GABRB1: variants seen among roughly 807,000 people sequenced by gnomAD.
GABRB1 encodes gamma-aminobutyric acid type A receptor subunit beta1.
A neutral mutation model predicts 51.6 loss-of-function variants in GABRB1; 17 were observed. The observed-to-expected ratio is 0.33, with a 90% CI of 0.23 to 0.49. The LOEUF is 0.49. Among genes scored for constraint, GABRB1 ranks in the 20% least tolerant of loss-of-function variants. The probability of loss-of-function intolerance (pLI) is 0.99; values close to 1 mark genes in which losing one functional copy is unlikely to be tolerated. For synonymous variants in GABRB1, 247 were observed against 218.9 expected (o/e 1.13, Z -1.14); for missense variants, 410 against 600.6 (o/e 0.68, Z 3.32).
chr4:47,222,580 AC>A lies in GABRB1; in HGVS notation c.461+61112del, dbSNP rs1343923632. 3.9e-5 allele frequency among the ~76,000 whole-genome samples: 6 copies of A among 152,258 alleles called. No homozygotes were observed. The East Asian group carries it at 1.2e-3, about 29-fold the overall frequency. On this transcript the variant is annotated intron_variant, in intron 4 of 8. Coordinates refer to ENST00000295454, the MANE Select transcript of GABRB1 (RefSeq NM_000812.4). ...ACAGTCCAGCAGACAGCTAGCATTCACAAGACATGTGAGTGAAGCCATCTTA... is the reference window on the plus strand; with the variant it reads ...ACAGTCCAGCAGACAGCTAGCATTCAAAGACATGTGAGTGAAGCCATCTTA...
At chr4:47,411,256 C>T (rs1383223651) in intron 8 of GABRB1, among the ~76,000 whole-genome samples, 1 of 152,008 alleles carries the variant, frequency 6.6e-6, no homozygotes, top group Non-Finnish European at 1.5e-5. Flanking sequence ...AAATATCCTA[C>T]AATAGATGAA....
At chr4:47,123,731 C>CATATATTATTATATATATAATATATTATA (rs1560545562) in intron 3 of GABRB1, among the ~76,000 whole-genome samples, 1 of 72,718 alleles carries the variant, frequency 1.4e-5, no homozygotes, top group African/African-American at 5.6e-5. Context: ...TATGATATAT[C>CATATATTATTATATATATAATATATTATA]ATATATTATT....
Position 47,317,514 on chromosome 4 carries a change from A to G in GABRB1, c.462-2613A>G, listed in dbSNP as rs185937467. 3.0e-3 allele frequency among the ~76,000 whole-genome samples: 453 copies of G among 152,148 alleles called. 2 individuals carry two copies. Among genetic ancestry groups the G allele is most frequent in the Admixed American group, 5.3e-3 (81 of 15,278 alleles). ...ACAAAAGATACACTTAATAAAGTGA[A>G]TAAATTAACCCATATGATCATAGGA... On this transcript the variant is annotated intron_variant, in intron 4 of 8. Transcript: ENST00000295454.
chr4:47,183,953 GC>G (rs1367696849), intron 4 of GABRB1, among the ~76,000 whole-genome samples: 1 of 151,962 alleles, frequency 6.6e-6, no homozygotes, highest in African/African-American at 2.4e-5. Flanking sequence ...TCTCCCATAA[GC>G]CCTCAACTGG....
At chr4:47,288,790 A>C (rs545508799) in intron 4 of GABRB1, among the ~76,000 whole-genome samples, 4 of 152,300 alleles carry the variant, frequency 2.6e-5, no homozygotes, top group African/African-American at 9.6e-5. Flanking sequence ...AGAAAAGAGG[A>C]AACTGAGTCC....
intron 4 of GABRB1, among the ~76,000 whole-genome samples, chr4:47,165,531 TTTAAGAGTAATGA>T (rs1718145355): frequency 1.3e-5 from 2 of 152,174 alleles, no homozygotes; most frequent in African/African-American, 4.8e-5. Context: ...CTCCGAATGC[TTTAAGAGTAATGA>T]CTGACTCTGA....
At chr4:47,299,164 A>G (rs1003532327) in intron 4 of GABRB1, among the ~76,000 whole-genome samples, 5 of 152,212 alleles carry the variant, frequency 3.3e-5, no homozygotes, top group African/African-American at 9.6e-5. Flanking sequence ...ATTACCATTC[A>G]GGACATAGAC....
chr4:47,164,876 T>A (rs1213557128), intron 4 of GABRB1, among the ~76,000 whole-genome samples: 2 of 152,090 alleles, frequency 1.3e-5, no homozygotes, highest in Non-Finnish European at 2.9e-5. Flanking sequence ...GCAACAGATA[T>A]TCGGCCCTTG....
At chr4:47,159,876 C>A (rs1046467309) in intron 3 of GABRB1, among the ~76,000 whole-genome samples, 1 of 151,970 alleles carries the variant, frequency 6.6e-6, no homozygotes, top group Non-Finnish European at 1.5e-5. Context: ...GCAGGAGGTA[C>A]ATAGTGTGTT....
At chr4:47,286,360 A>C (rs913254946) in intron 4 of GABRB1, among the ~76,000 whole-genome samples, 6 of 152,142 alleles carry the variant, frequency 3.9e-5, no homozygotes, top group Non-Finnish European at 7.3e-5. Flanking sequence ...TTAATATTTT[A>C]TATAAGTATA....
intron 3 of GABRB1, among the ~76,000 whole-genome samples, chr4:47,051,495 A>G (rs1159436887): frequency 6.6e-6 from 1 of 152,140 alleles, no homozygotes; most frequent in Admixed American, 6.6e-5. Flanking sequence ...TCATTTGATT[A>G]TATGTTAGTT....
chr4:47,425,377 CCACA>C (rs34275303), intron 8 of GABRB1, among the ~76,000 whole-genome samples: 2,497 of 138,356 alleles, frequency 0.018, 34 homozygotes, highest in East Asian at 0.067. Flanking sequence ...AGAAGAAATA[CCACA>C]CACACACACA....
At chr4:47,214,003 A>G (rs912867945) in intron 4 of GABRB1, among the ~76,000 whole-genome samples, 2 of 152,094 alleles carry the variant, frequency 1.3e-5, no homozygotes, top group African/African-American at 4.8e-5. Context: ...CCGCACCCCA[A>G]ACAGCATAAA....
At chr4:47,377,052 AG>A (rs1031680396) in intron 5 of GABRB1, among the ~76,000 whole-genome samples, 30 of 149,486 alleles carry the variant, frequency 2.0e-4, no homozygotes, top group Admixed American at 6.0e-4. Flanking sequence ...ATAAAAAAAA[AG>A]GGTAGAGAGT....
intron 4 of GABRB1, among the ~76,000 whole-genome samples, chr4:47,258,320 A>G (rs2109873599): frequency 6.6e-6 from 1 of 152,240 alleles, no homozygotes; most frequent in East Asian, 1.9e-4. Context: ...GGTTACATAT[A>G]CTCTTAGGAG....
intron 5 of GABRB1, among the ~76,000 whole-genome samples, chr4:47,343,688 A>G (rs972979560): frequency 5.3e-5 from 8 of 152,188 alleles, no homozygotes; most frequent in East Asian, 1.9e-4. Flanking sequence ...GCAGCCTGGC[A>G]TGTATATACC....
intron 3 of GABRB1, among the ~76,000 whole-genome samples, chr4:47,138,872 T>G (rs530728952): frequency 2.5e-4 from 38 of 152,210 alleles, no homozygotes; most frequent in African/African-American, 9.1e-4. Flanking sequence ...TTAAATTAAT[T>G]TAAATTAGTT....
chr4:47,364,994 AT>A, intron 5 of GABRB1, among the ~76,000 whole-genome samples: 2 of 152,352 alleles, frequency 1.3e-5, no homozygotes, highest in Middle Eastern at 3.4e-3. Context: ...CTAAAATAAT[AT>A]CAGGATGCTG....
intron 3 of GABRB1, among the ~76,000 whole-genome samples, chr4:47,116,923 G>C (rs191960413): frequency 1.1e-4 from 16 of 152,082 alleles, no homozygotes; most frequent in African/African-American, 3.6e-4. Context: ...GAGAAAGAAG[G>C]GGGAAGTGCT....
Sources: allele counts gnomAD v4.1 joint callset (sites outside exome capture counted in the v4.1 genomes callset), GRCh38; gene constraint gnomAD v4.1.1; transcripts MANE v1.5; gene names NCBI Gene and HGNC (gene_info 2026-07-23, HGNC 2026-07-21).